Variants in RPAIN observed in about 807,000 individuals in gnomAD.
The protein encoded by RPAIN is RPA-interacting protein.
Under a neutral mutation model 30.5 loss-of-function variants are expected in RPAIN, and 29 were observed. The ratio of observed to expected loss-of-function variants is 0.95; its 90% confidence interval spans 0.71 to 1.30. The LOEUF (loss-of-function observed/expected upper bound fraction) is 1.30. Among genes scored for constraint, RPAIN ranks in the 50% most tolerant of loss-of-function variants. The pLI is 0.00. For missense variants in RPAIN, 247 were observed against 264.7 expected, an observed-to-expected ratio of 0.93 and a Z score of 0.46; for synonymous variants, 101 against 93.5, an observed-to-expected ratio of 1.08 and a Z score of -0.46.
chr17:5,428,773 G>A lies in RPAIN; in HGVS notation c.630+562G>A, dbSNP rs565918846. Reference sequence around the variant, plus strand: ...TTTCCATATATGTGTATGTATGTATGTACATGTGTATATATATCACACAAA... The same window carrying A: ...TTTCCATATATGTGTATGTATGTATATACATGTGTATATATATCACACAAA... On this transcript the variant is annotated intron_variant, in intron 6 of 6. Coordinates refer to ENST00000381209, the MANE Select transcript of RPAIN (RefSeq NM_001033002.4). The A allele has an allele frequency of 2.6e-5, 26 of 996,480 alleles. No homozygotes were observed. The South Asian group carries it at 9.2e-4, about 35-fold the overall frequency. 61.7% of individuals were successfully genotyped at this position (996,480 alleles called of 1,614,324 possible). A position where few individuals can be genotyped will look rare whatever the true frequency, so the allele number is the denominator to read the frequency against.
intron 3 of RPAIN, among the ~76,000 whole-genome samples, 197 bp from the exon 4 acceptor site, chr17:5,425,774 A>G (rs1179779723): frequency 3.3e-5 from 5 of 152,162 alleles, no homozygotes; most frequent in African/African-American, 1.2e-4. Flanking sequence ...TTGTGCTCAC[A>G]AAAAGGGGAC....
In RPAIN at chr17:5,421,406, G is replaced by C. The variant is rs935587361; in HGVS notation, c.192G>C (p.Val64=). 1 of 1,614,120 alleles carries C rather than the reference G, an allele frequency of 6.2e-7. No individual in the cohort carries two copies. The highest frequency in any genetic ancestry group is 1.3e-5 in the African/African-American group (1 of 74,990). The stretch of plus-strand genomic sequence containing the variant: ...AGAACAGCTTTCTAGTTCAAGAGGT[G>C]ATGGAAGAAGAGTGGAATGCTTTGC... ...NSQNSFLVQE[V]MEEEWNALQS... is the part of the protein sequence containing the mutation. Residue 64 remains valine (V), a synonymous_variant, in exon 2 of 7, where the codon GTG becomes GTC. Coordinates refer to ENST00000381209, the MANE Select transcript of RPAIN (RefSeq NM_001033002.4).
chr17:5,428,851 G>A, intron 6 of RPAIN: 3 of 987,066 alleles, frequency 3.0e-6, no homozygotes, highest in Non-Finnish European at 3.6e-6. Context: ...ATCCCAGGCA[G>A]GGGGAGCCTT....
chr17:5,423,800 T>C (rs1055414658), intron 3 of RPAIN, among the ~76,000 whole-genome samples: 5 of 152,102 alleles, frequency 3.3e-5, no homozygotes, highest in Admixed American at 2.6e-4. Context: ...CTGCCCAGGC[T>C]GGAATGCAGT....
At chr17:5,431,416 G>A (rs1003786849) in intron 6 of RPAIN, 1 of 451,002 alleles carries the variant, frequency 2.2e-6, no homozygotes, top group Non-Finnish European at 4.4e-6. Flanking sequence ...GAGCTCAGGA[G>A]GCAGAGGTTG....
rs1344685394 is a variant in RPAIN at position 5,422,663 on chromosome 17, T to A, written c.253-106T>A. ...CTGCAGGAGGACTGGACTGATTTTG[T>A]CCAATAAATCTGGGTTCTTCAAGCC... is the stretch of plus-strand genomic sequence containing the variant. On this transcript the variant is annotated intron_variant, in intron 2 of 6. Transcript: ENST00000381209. 6.5e-6 allele frequency: 6 copies of A among 930,038 alleles called. No homozygotes were observed. The East Asian group carries it at 9.9e-5, about 15-fold the overall frequency. 57.6% of individuals were successfully genotyped at this position (930,038 alleles called of 1,614,324 possible).
intron 5 of RPAIN, 121 bp from the exon 6 acceptor site, chr17:5,427,950 G>T: frequency 1.1e-6 from 1 of 906,344 alleles, no homozygotes; most frequent in South Asian, 1.4e-5. Flanking sequence ...TGTCTTTAAG[G>T]CTCCAAGGAG....
Position 5,421,347 on chromosome 17 carries a change from C to CTAAACA in RPAIN, c.133_134insTAAACA (p.Arg45delinsLeuAsnSer). ...CCGGGACAGGCTCCTAAACAGGTAC[C>CTAAACA]GCCAGGCTGGAAGCAGTGGGCCAGG... On this transcript the variant is annotated protein_altering_variant, in exon 2 of 7. Coordinates refer to ENST00000381209, the MANE Select transcript of RPAIN (RefSeq NM_001033002.4). The CTAAACA allele has an allele frequency of 6.2e-7, 1 of 1,613,920 alleles. No homozygotes were observed. Among genetic ancestry groups the CTAAACA allele is most frequent in the Non-Finnish European group, 8.5e-7 (1 of 1,179,988 alleles).
chr17:5,430,793 C>T (rs972642881), intron 6 of RPAIN: 1 of 152,536 alleles, frequency 6.6e-6, no homozygotes, highest in African/African-American at 2.4e-5. Context: ...CTGGCTTTGG[C>T]TTCTGTCTTC....
At chr17:5,429,566 A>C (rs749682175) in intron 6 of RPAIN, 22 of 985,466 alleles carry the variant, frequency 2.2e-5, no homozygotes, top group Non-Finnish European at 2.5e-5. Flanking sequence ...CTCCAGGCTC[A>C]GGCCTTGGTG....
chr17:5,420,352 T>C lies in RPAIN; in HGVS notation c.81+61T>C. 5.5e-6 allele frequency: 8 copies of C among 1,447,818 alleles called. No homozygotes were observed. The Admixed American group carries it at 1.3e-4, about 23-fold the overall frequency. 89.7% of individuals were successfully genotyped at this position (1,447,818 alleles called of 1,614,324 possible). On this transcript the variant is annotated intron_variant, in intron 1 of 6. Coordinates refer to ENST00000381209, the MANE Select transcript of RPAIN (RefSeq NM_001033002.4). ...TCGTCCCGGTGACCGCCGTCTTCCCTGCCTTCGCCTTAGCCCTGCTCCGTG... is the reference window on the plus strand; with the variant it reads ...TCGTCCCGGTGACCGCCGTCTTCCCCGCCTTCGCCTTAGCCCTGCTCCGTG...
chr17:5,426,165 G>C (rs938565087), intron 4 of RPAIN, 71 bp from the exon 5 acceptor site: 3 of 1,576,354 alleles, frequency 1.9e-6, no homozygotes, highest in Non-Finnish European at 2.6e-6. Flanking sequence ...CAGATTTGTT[G>C]CCTGAAATTC....
At position 5,421,380 on chromosome 17, in the gene RPAIN, C is replaced by T; in HGVS notation, c.166C>T (p.Gln56Ter). The T allele has an allele frequency of 6.2e-7, 1 of 1,613,978 alleles. No homozygotes were observed. The highest frequency in any genetic ancestry group is 8.5e-7 in the Non-Finnish European group (1 of 1,179,978). The change falls in exon 2 of 7, where the codon CAG becomes TAG. Residue 56 changes from glutamine (Q) to a stop codon, truncating the protein, a stop_gained. Coordinates refer to ENST00000381209, the MANE Select transcript of RPAIN (RefSeq NM_001033002.4). LOFTEE classifies it high-confidence loss of function. Reference protein sequence around the residue: ...QAGSSGPGNSQNSFLVQEVME... With the variant: ...QAGSSGPGNS ...TGGAAGCAGTGGGCCAGGGAATTCT[C>T]AGAACAGCTTTCTAGTTCAAGAGGT...
chr17:5,422,843 G>T lies in RPAIN; in HGVS notation c.313+14G>T, dbSNP rs1323764766. The stretch of plus-strand genomic sequence containing the variant: ...TGATCAACCAAGGTAACCCCTAGTG[G>T]TAGTCCTTCCTTACCTGTATTTAGC... On this transcript the variant is annotated intron_variant, in intron 3 of 6. Transcript: ENST00000381209. 1.3e-6 allele frequency: 2 copies of T among 1,587,584 alleles called. No individual in the cohort carries two copies. Among genetic ancestry groups the T allele is most frequent in the Non-Finnish European group, 1.7e-6 (2 of 1,157,864 alleles).
intron 1 of RPAIN, 117 bp downstream of exon 1, chr17:5,420,408 C>T: frequency 1.2e-6 from 1 of 812,276 alleles, no homozygotes; most frequent in Non-Finnish European, 1.9e-6. Flanking sequence ...CTGGTCTGGT[C>T]AAACCCAGGC....
intron 6 of RPAIN, chr17:5,428,802 A>G: frequency 5.1e-6 from 5 of 989,158 alleles, no homozygotes; most frequent in Non-Finnish European, 6.0e-6. Context: ...ACACAAACAC[A>G]CATAAAACCA....
At chr17:5,420,419 C>T in intron 1 of RPAIN, 128 bp downstream of exon 1, 1 of 720,380 alleles carries the variant, frequency 1.4e-6, no homozygotes. Flanking sequence ...AAACCCAGGC[C>T]TGCTGACTGT....
chr17:5,432,737 C>A lies in RPAIN; in HGVS notation c.*166C>A. On this transcript the variant is annotated 3_prime_UTR_variant, in exon 7 of 7. Coordinates refer to ENST00000381209, the MANE Select transcript of RPAIN (RefSeq NM_001033002.4). ...GACATCTGTTCTTGGTCTTTTGTGA[C>A]GCAGGTTGAAGGGGGAGGAATAGAA... 1 of 815,612 alleles carries A rather than the reference C, an allele frequency of 1.2e-6. No individual in the cohort carries two copies. Among genetic ancestry groups the A allele is most frequent in the Non-Finnish European group, 1.9e-6 (1 of 533,682 alleles). 50.5% of individuals were successfully genotyped at this position (815,612 alleles called of 1,614,324 possible).
Position 5,421,325 on chromosome 17 carries a change from G to C in RPAIN, c.111G>C (p.Arg37=). Residue 37 remains arginine, a synonymous_variant, in exon 2 of 7, where the codon CGG becomes CGC. Transcript: ENST00000381209. ...QRCLERMRNS[R]DRLLNRYRQA... ...GCCTGGAGAGAATGAGAAACAGCCGGGACAGGCTCCTAAACAGGTACCGCC... is the reference window on the plus strand; with the variant it reads ...GCCTGGAGAGAATGAGAAACAGCCGCGACAGGCTCCTAAACAGGTACCGCC... 1 of 1,613,440 alleles carries C rather than the reference G, an allele frequency of 6.2e-7. No homozygotes were observed. Among genetic ancestry groups the C allele is most frequent in the Non-Finnish European group, 8.5e-7 (1 of 1,179,736 alleles).
Sources: gnomAD v4.1 joint callset for allele counts (sites outside exome capture counted in the v4.1 genomes callset) on GRCh38, gnomAD v4.1.1 for gene constraint, MANE v1.5 for transcripts, NCBI Gene and HGNC (gene_info 2026-07-23, HGNC 2026-07-21) for gene names.